Variants in SYT13 observed in about 807,000 individuals in gnomAD.
SYT13 encodes the protein synaptotagmin-13.
SYT13 carries 21 observed loss-of-function variants against 38.6 expected under a neutral mutation model. That is an observed-to-expected ratio of 0.54 (90% CI 0.39 to 0.78). The LOEUF (loss-of-function observed/expected upper bound fraction) is 0.78, where lower values mean the gene tolerates loss of function less well. Ranked by LOEUF, SYT13 falls within the 30% of genes least tolerant of loss-of-function variation. The pLI, the probability that SYT13 is intolerant of heterozygous loss-of-function variation, is 0.00. For missense variants in SYT13, 495 were observed against 548.7 expected (o/e 0.90, Z 0.98); for synonymous variants, 241 against 237.6 (o/e 1.01, Z -0.13).
Position 45,244,254 on chromosome 11 carries a change from ATCATC to A in SYT13, c.1074_1078del (p.Glu358AspfsTer4). On this transcript the variant is annotated frameshift_variant, in exon 6 of 6. Transcript: ENST00000020926. LOFTEE classifies it high-confidence loss of function. ...CAGGTCGTCAGGCAGCTCAAACATG[ATCATC>A]TCGTTCCACACGGGGTTGATCTTGT... is the stretch of plus-strand genomic sequence containing the variant. 6.2e-7 allele frequency: 1 copy of A among 1,613,938 alleles called. No individual in the cohort carries two copies. The highest frequency in any genetic ancestry group is 8.5e-7 in the Non-Finnish European group (1 of 1,180,030).
intron 1 of SYT13, among the ~76,000 whole-genome samples, chr11:45,268,854 C>T (rs544675234): frequency 3.9e-5 from 6 of 152,204 alleles, no homozygotes; most frequent in Non-Finnish European, 7.3e-5. Context: ...TTCACTCCAT[C>T]AATCATCATT....
intron 1 of SYT13, among the ~76,000 whole-genome samples, chr11:45,277,826 C>A (rs1343521604): frequency 6.6e-6 from 1 of 152,226 alleles, no homozygotes; most frequent in Non-Finnish European, 1.5e-5. Flanking sequence ...GCAACAGAAC[C>A]TTCTGTTCAG....
intron 1 of SYT13, 173 bp downstream of exon 1, chr11:45,285,852 C>T (rs186626759): frequency 3.0e-4 from 227 of 762,262 alleles, no homozygotes; most frequent in African/African-American, 2.8e-3. Flanking sequence ...TAGCCTCCCC[C>T]ATCCCCCTAC....
At chr11:45,255,628 T>G (rs780066266) in intron 2 of SYT13, 38 bp downstream of exon 2, 1 of 1,586,678 alleles carries the variant, frequency 6.3e-7, no homozygotes, top group South Asian at 1.1e-5. Context: ...CCCACTGGAG[T>G]GCTGCCCATG....
intron 1 of SYT13, among the ~76,000 whole-genome samples, chr11:45,283,569 G>A (rs1855098804): frequency 6.6e-6 from 1 of 152,190 alleles, no homozygotes; most frequent in African/African-American, 2.4e-5. Flanking sequence ...GAATGAATCT[G>A]AGAACAACAG....
At chr11:45,268,178 C>A (rs774710878) in intron 1 of SYT13, among the ~76,000 whole-genome samples, 1 of 152,164 alleles carries the variant, frequency 6.6e-6, no homozygotes, top group Non-Finnish European at 1.5e-5. Context: ...CCAGCCCTAA[C>A]GCAAACGTTT....
chr11:45,252,818 A>G lies in SYT13; in HGVS notation c.545-96T>C. The G allele has an allele frequency of 1.5e-6, 2 of 1,371,182 alleles. No homozygotes were observed. Among genetic ancestry groups the G allele is most frequent in the Non-Finnish European group, 1.9e-6 (2 of 1,027,674 alleles). 84.9% of individuals were successfully genotyped at this position (1,371,182 alleles called of 1,614,324 possible). ...GCTTAGGGCTGTGGAATCCAGCTTA[A>G]CGACGTGACCTTGGGTGTCAGAAAG... On this transcript the variant is annotated intron_variant, in intron 3 of 5. Transcript: ENST00000020926. This position sits in a 1 kb window ranked among gnomAD's most constrained non-coding sequence, Gnocchi z 4.3.
chr11:45,252,775 G>A lies in SYT13; in HGVS notation c.545-53C>T. 5 of 1,512,110 alleles carry A rather than the reference G, an allele frequency of 3.3e-6. No homozygotes were observed. Among genetic ancestry groups the A allele is most frequent in the Non-Finnish European group, 4.4e-6 (5 of 1,125,420 alleles). The allele number at this position is 1,512,110 out of a possible 1,614,324, so 93.7% of individuals were successfully genotyped here. ...TGGGACTTTCTGAGGACAAGTGGAGGGGGCAGAAGCACGCCTTGCTTAGGG... is the reference window on the plus strand; with the variant it reads ...TGGGACTTTCTGAGGACAAGTGGAGAGGGCAGAAGCACGCCTTGCTTAGGG... On this transcript the variant is annotated intron_variant, in intron 3 of 5. Coordinates refer to ENST00000020926, the MANE Select transcript of SYT13 (RefSeq NM_020826.3). This position sits in a 1 kb window ranked among gnomAD's most constrained non-coding sequence, Gnocchi z 4.3.
chr11:45,263,775 A>G (rs1042309921), intron 1 of SYT13, among the ~76,000 whole-genome samples: 2 of 152,280 alleles, frequency 1.3e-5, no homozygotes, highest in Middle Eastern at 3.4e-3. Context: ...CTAAAACAAG[A>G]CAGCTTAGTT....
intron 1 of SYT13, among the ~76,000 whole-genome samples, chr11:45,264,320 C>T (rs1351755039): frequency 1.3e-5 from 2 of 152,162 alleles, no homozygotes; most frequent in Non-Finnish European, 2.9e-5. Flanking sequence ...GACCTAGTGA[C>T]TTGCTTCGAA....
intron 1 of SYT13, among the ~76,000 whole-genome samples, chr11:45,261,523 A>G (rs1854815608): frequency 1.3e-5 from 2 of 152,052 alleles, no homozygotes; most frequent in African/African-American, 2.4e-5. Context: ...GCGTGAACCC[A>G]GAAGGCGGAG....
chr11:45,254,434 AC>A, intron 2 of SYT13, 30 bp from the exon 3 acceptor site: 2 of 1,604,480 alleles, frequency 1.2e-6, no homozygotes, highest in Non-Finnish European at 1.7e-6. Context: ...CGTCACTGCC[AC>A]CCACACTGGG....
At chr11:45,261,443 C>A (rs11038372) in intron 1 of SYT13, among the ~76,000 whole-genome samples, 49,104 of 151,664 alleles carry the variant, frequency 0.32, 8,056 homozygotes, top group South Asian at 0.4. Flanking sequence ...CACACACACA[C>A]AAAAATTAGC....
At chr11:45,281,483 T>C (rs867263255) in intron 1 of SYT13, among the ~76,000 whole-genome samples, 1 of 152,110 alleles carries the variant, frequency 6.6e-6, no homozygotes. Context: ...CTAGCCAACA[T>C]GGCAAAGCCT....
chr11:45,282,796 A>G (rs1268111643), intron 1 of SYT13, among the ~76,000 whole-genome samples: 2 of 152,206 alleles, frequency 1.3e-5, no homozygotes, highest in African/African-American at 2.4e-5. Context: ...ATCCAAGACC[A>G]CAAACCTTTT....
At chr11:45,262,528 C>G (rs1443688888) in intron 1 of SYT13, among the ~76,000 whole-genome samples, 1 of 152,054 alleles carries the variant, frequency 6.6e-6, no homozygotes, top group Non-Finnish European at 1.5e-5. Flanking sequence ...GAGATAGAGA[C>G]AAGCATGGAC....
At chr11:45,268,540 G>C (rs1478412757) in intron 1 of SYT13, among the ~76,000 whole-genome samples, 1 of 152,122 alleles carries the variant, frequency 6.6e-6, no homozygotes, top group Non-Finnish European at 1.5e-5. Flanking sequence ...TTACCCATTC[G>C]GTTTCATTTA....
intron 1 of SYT13, among the ~76,000 whole-genome samples, chr11:45,278,132 A>G (rs542390703): frequency 1.3e-5 from 2 of 152,180 alleles, no homozygotes; most frequent in South Asian, 4.1e-4. Flanking sequence ...CTTTGTGTGC[A>G]CGTGTGTTGA....
intron 1 of SYT13, among the ~76,000 whole-genome samples, chr11:45,282,989 A>T (rs1348082987): frequency 6.6e-6 from 1 of 152,264 alleles, no homozygotes; most frequent in South Asian, 2.1e-4. Context: ...TCTACAAAAC[A>T]TAAAAAAAAT....
Sources: gnomAD v4.1 joint callset for allele counts (sites outside exome capture counted in the v4.1 genomes callset) on GRCh38, gnomAD v4.1.1 for gene constraint, Gnocchi (gnomAD v3.1) non-coding constraint, MANE v1.5 for transcripts, NCBI Gene and HGNC (gene_info 2026-07-23, HGNC 2026-07-21) for gene names.